MCTP2: variants seen among roughly 807,000 people sequenced by gnomAD.
MCTP2 encodes the protein multiple C2 and transmembrane domain-containing protein 2.
MCTP2 carries 132 observed loss-of-function variants against 111.6 expected under a neutral mutation model. That is an observed-to-expected ratio of 1.18 (90% CI 1.03 to 1.37). The LOEUF (loss-of-function observed/expected upper bound fraction) is 1.37, where lower values mean the gene tolerates loss of function less well. Ranked by LOEUF, MCTP2 falls within the 40% of genes most tolerant of loss-of-function variation. The probability of loss-of-function intolerance (pLI) is 0.00; values close to 1 mark genes in which losing one functional copy is unlikely to be tolerated. For synonymous variants in MCTP2, 395 were observed against 387.7 expected, an observed-to-expected ratio of 1.02 and a Z score of -0.22; for missense variants, 1,183 against 1,067.9, an observed-to-expected ratio of 1.11 and a Z score of -1.50.
intron 17 of MCTP2, chr15:94,403,283 A>G (rs2081700899): frequency 8.2e-6 from 8 of 979,892 alleles, no homozygotes; most frequent in Non-Finnish European, 9.7e-6. Context: ...TTGTCTCAGC[A>G]TTTGTTTATC....
chr15:94,398,925 T>C (rs1273164176), intron 14 of MCTP2, 36 bp from the exon 15 acceptor site: 2 of 1,265,718 alleles, frequency 1.6e-6, no homozygotes, highest in East Asian at 2.3e-5. Context: ...ATAGTAATTT[T>C]GCACCAATGT....
At chr15:94,464,898 A>G (rs1027216415) in intron 20 of MCTP2, among the ~76,000 whole-genome samples, 7 of 151,984 alleles carry the variant, frequency 4.6e-5, no homozygotes, top group African/African-American at 1.4e-4. Context: ...ACTTTTGTCA[A>G]TTTTCCATGT....
At chr15:94,434,031 C>A (rs1375283808) in intron 17 of MCTP2, among the ~76,000 whole-genome samples, 1 of 152,014 alleles carries the variant, frequency 6.6e-6, no homozygotes, top group Non-Finnish European at 1.5e-5. Flanking sequence ...CTTCATTTTG[C>A]GACTTGCCCT....
rs544840354 is a variant in MCTP2, at chr15:94,358,376, T to TC, written c.1171-104dup. 1.7e-3 allele frequency: 1,758 copies of TC among 1,031,976 alleles called. 3 individuals are homozygous for TC. Among genetic ancestry groups the TC allele is most frequent in the Admixed American group, 3.0e-3 (121 of 39,950 alleles). The allele number at this position is 1,031,976 out of a possible 1,614,324, so 63.9% of individuals were successfully genotyped here. ...AAGTTTACCTTTATAAGGGGTGAGG[T>TC]CCATCATCTTGACCCTCTGCAGTTT... On this transcript the variant is annotated intron_variant, in intron 9 of 22. Transcript: ENST00000357742.
chr15:94,421,533 C>T (rs927381603), intron 17 of MCTP2, among the ~76,000 whole-genome samples: 1 of 152,140 alleles, frequency 6.6e-6, no homozygotes, highest in African/African-American at 2.4e-5. Flanking sequence ...GGGAGAATCC[C>T]TTTCCTTTGC....
rs1159364922 is a variant in MCTP2 at position 94,390,109 on chromosome 15, T to C, written c.1788+4584T>C. ...ATATATGTATATATATATATATATA[T>C]ATATGTATATATATATATATATACT... On this transcript the variant is annotated intron_variant, in intron 14 of 22. Transcript: ENST00000357742. 6.1e-3 allele frequency among the ~76,000 whole-genome samples: 236 copies of C among 38,780 alleles called. 13 individuals carry two copies. The highest frequency in any genetic ancestry group is 0.016 in the Middle Eastern group (1 of 64). The allele number at this position is 38,780 out of a possible 152,430, so 25.4% of individuals were successfully genotyped here.
intron 1 of MCTP2, among the ~76,000 whole-genome samples, chr15:94,245,714 G>A (rs1185198357): frequency 7.0e-6 from 1 of 142,798 alleles, no homozygotes; most frequent in African/African-American, 2.6e-5. Flanking sequence ...GTGTGTGTGT[G>A]TGTATATATA....
chr15:94,338,825 C>T (rs1468993246), intron 4 of MCTP2, among the ~76,000 whole-genome samples: 1 of 152,172 alleles, frequency 6.6e-6, no homozygotes, highest in Non-Finnish European at 1.5e-5. Flanking sequence ...ATCTTTTGAG[C>T]CAGTGATTCC....
intron 17 of MCTP2, among the ~76,000 whole-genome samples, chr15:94,420,438 G>A (rs1299437050): frequency 6.6e-6 from 1 of 152,040 alleles, no homozygotes; most frequent in African/African-American, 2.4e-5. Context: ...GATGGATCTG[G>A]ACAAAATAAG....
chr15:94,353,154 A>G (rs374508735), intron 8 of MCTP2, among the ~76,000 whole-genome samples: 89 of 152,320 alleles, frequency 5.8e-4, no homozygotes, highest in African/African-American at 1.9e-3. Context: ...CAGATCAAAC[A>G]TGACTGCGTT....
intron 1 of MCTP2, among the ~76,000 whole-genome samples, chr15:94,249,519 T>C (rs2072254744): frequency 6.6e-6 from 1 of 150,814 alleles, no homozygotes; most frequent in African/African-American, 2.4e-5. Context: ...GGAGTCTCAC[T>C]CTGTCACCCA....
chr15:94,400,116 C>T, intron 16 of MCTP2, 121 bp downstream of exon 16: 1 of 756,944 alleles, frequency 1.3e-6, no homozygotes. Context: ...CTCCTCTCTC[C>T]CTCTTGCCCC....
Position 94,242,995 on chromosome 15 carries a change from G to A in MCTP2, c.-66+11331G>A, listed in dbSNP as rs1420558284. On this transcript the variant is annotated intron_variant, in intron 1 of 22. Coordinates refer to ENST00000357742, the MANE Select transcript of MCTP2 (RefSeq NM_001385001.1). ...TGTATCTACACATACACGTGTATAT[G>A]TGTATCTACACATACACGTGTATAT... is the stretch of plus-strand genomic sequence containing the variant. Among the ~76,000 whole-genome samples, 37 of 82,514 alleles carry A rather than the reference G, an allele frequency of 4.5e-4. 1 individual carries two copies. The highest frequency in any genetic ancestry group is 5.4e-4 in the Non-Finnish European group (20 of 37,262). 54.1% of individuals were successfully genotyped at this position (82,514 alleles called of 152,430 possible). A position where few individuals can be genotyped will look rare whatever the true frequency, so the allele number is the denominator to read the frequency against.
intron 4 of MCTP2, among the ~76,000 whole-genome samples, chr15:94,325,158 T>G (rs1248525582): frequency 6.6e-6 from 1 of 152,174 alleles, no homozygotes; most frequent in East Asian, 1.9e-4. Context: ...GCTTTGGACA[T>G]GGACCACCGG....
At chr15:94,318,059 G>A (rs1340301283) in intron 4 of MCTP2, among the ~76,000 whole-genome samples, 1 of 151,932 alleles carries the variant, frequency 6.6e-6, no homozygotes, top group Non-Finnish European at 1.5e-5. Context: ...ACCAGTGTAG[G>A]GGTGCCTCCC....
At chr15:94,404,554 C>T (rs2081800125) in intron 17 of MCTP2, among the ~76,000 whole-genome samples, 2 of 152,152 alleles carry the variant, frequency 1.3e-5, no homozygotes, top group African/African-American at 4.8e-5. Flanking sequence ...CCATCTCGGC[C>T]TCCCAAAGTG....
chr15:94,315,651 C>G lies in MCTP2; in HGVS notation c.637+14C>G. 1.3e-6 allele frequency: 2 copies of G among 1,591,286 alleles called. No individual in the cohort carries two copies. Among genetic ancestry groups the G allele is most frequent in the Non-Finnish European group, 1.7e-6 (2 of 1,159,394 alleles). ...GAGATCGCTGTGGTAAGACCTGGGT[C>G]TGTTATGGTGGGTGTAGCCTGGAAA... is the stretch of plus-strand genomic sequence containing the variant. On this transcript the variant is annotated intron_variant, in intron 4 of 22. Coordinates refer to ENST00000357742, the MANE Select transcript of MCTP2 (RefSeq NM_001385001.1).
chr15:94,262,285 A>C (rs1485062669), intron 1 of MCTP2, among the ~76,000 whole-genome samples: 2 of 152,146 alleles, frequency 1.3e-5, no homozygotes, highest in East Asian at 3.8e-4. Context: ...CTTCATTTGG[A>C]AAGTGTTTGA....
At chr15:94,443,998 A>AC (rs917860306) in intron 19 of MCTP2, among the ~76,000 whole-genome samples, 8 of 149,732 alleles carry the variant, frequency 5.3e-5, no homozygotes, top group African/African-American at 1.2e-4. Flanking sequence ...AAAAAAAAAA[A>AC]AAAAAAAACA....
Sources: allele counts gnomAD v4.1 joint callset (sites outside exome capture counted in the v4.1 genomes callset), GRCh38; gene constraint gnomAD v4.1.1; transcripts MANE v1.5; gene names NCBI Gene and HGNC (gene_info 2026-07-23, HGNC 2026-07-21).